Variants in ADCY4 observed in about 807,000 individuals in gnomAD.
ADCY4 encodes adenylate cyclase 4.
ADCY4 carries 111 observed loss-of-function variants against 125.5 expected under a neutral mutation model. That is an observed-to-expected ratio of 0.88 (90% CI 0.76 to 1.04). The LOEUF (loss-of-function observed/expected upper bound fraction) is 1.04, where lower values mean the gene tolerates loss of function less well. Ranked by LOEUF, ADCY4 falls within the 50% of genes least tolerant of loss-of-function variation. The probability of loss-of-function intolerance (pLI) is 0.00; values close to 1 mark genes in which losing one functional copy is unlikely to be tolerated. For synonymous variants in ADCY4, 576 were observed against 586.9 expected, an observed-to-expected ratio of 0.98 and a Z score of 0.27; for missense variants, 1,256 against 1,382.9, an observed-to-expected ratio of 0.91 and a Z score of 1.46.
chr14:24,323,187 C>A lies in ADCY4; in HGVS notation c.2158-99G>T, dbSNP rs566022299. The A allele has an allele frequency of 1.7e-5, 25 of 1,463,536 alleles. No homozygotes were observed. The African/African-American group carries it at 2.9e-4, about 17-fold the overall frequency. The allele number at this position is 1,463,536 out of a possible 1,614,324, so 90.7% of individuals were successfully genotyped here. Reference sequence around the variant, plus strand: ...TGTCCCTCCCAGGCCCAGGTCCTATCTGGGAGACAGGGGGCATCATACACA... The same window carrying A: ...TGTCCCTCCCAGGCCCAGGTCCTATATGGGAGACAGGGGGCATCATACACA... On this transcript the variant is annotated intron_variant, in intron 17 of 24. Coordinates refer to ENST00000418030, the MANE Select transcript of ADCY4 (RefSeq NM_001198568.2).
intron 10 of ADCY4, 138 bp from the exon 11 acceptor site, chr14:24,326,480 A>T: frequency 9.9e-7 from 1 of 1,013,630 alleles, no homozygotes; most frequent in Non-Finnish European, 1.5e-6. Context: ...GCCTCTAATG[A>T]CCTCTCTGTC....
intron 10 of ADCY4, 84 bp downstream of exon 10, chr14:24,328,977 G>A (rs763926395): frequency 1.9e-4 from 281 of 1,502,396 alleles, no homozygotes; most frequent in Non-Finnish European, 2.4e-4. Flanking sequence ...TGGTGGTGGG[G>A]GCAGGGAAGG....
At chr14:24,324,242 C>T (rs940036042) in intron 15 of ADCY4, 43 bp from the exon 16 acceptor site, 2 of 1,613,950 alleles carry the variant, frequency 1.2e-6, no homozygotes, top group Non-Finnish European at 1.7e-6. Context: ...GGCTGGGGCA[C>T]CCTCTTCAGG....
rs369728055 is a variant in ADCY4 at position 24,319,165 on chromosome 14, G to C, written c.2889C>G (p.Ala963=). 6.2e-7 allele frequency: 1 copy of C among 1,614,050 alleles called. No individual in the cohort carries two copies. The highest frequency in any genetic ancestry group is 8.5e-7 in the Non-Finnish European group (1 of 1,180,028). ...CGTCCAGCTTAGACCCCAGGGCCAC[G>C]GCAAATTCCACCATAGTGCCAAGGT... The part of the protein sequence containing the change: ...CSHLGTMVEF[A]VALGSKLDVI... Residue 963 remains alanine (A), a synonymous_variant, in exon 23 of 25, where the codon GCC becomes GCG. Transcript: ENST00000418030. The surrounding 1 kb of genome is among the most constrained non-coding windows in gnomAD (Gnocchi z 4.5).
intron 23 of ADCY4, 113 bp downstream of exon 23, chr14:24,318,985 G>A: frequency 6.9e-7 from 1 of 1,439,750 alleles, no homozygotes; most frequent in Non-Finnish European, 9.6e-7. Flanking sequence ...CAGGGAGTGA[G>A]TCAGGAAAGG....
intron 20 of ADCY4, among the ~76,000 whole-genome samples, chr14:24,321,283 T>C (rs374468460): frequency 1.3e-5 from 2 of 151,098 alleles, no homozygotes; most frequent in East Asian, 1.9e-4. Context: ...TAGCCAGGCA[T>C]GGTGGCAGGC....
rs979312054 is a variant in ADCY4, at chr14:24,332,722, G to T, written c.358-39C>A. ...GCGGGAAGCCGAAGGCCCAAGTGGG[G>T]CTATTCAAGGCCTGGTGAGGGATCG... On this transcript the variant is annotated intron_variant, in intron 2 of 24. Coordinates refer to ENST00000418030, the MANE Select transcript of ADCY4 (RefSeq NM_001198568.2). The T allele has an allele frequency of 3.2e-6, 5 of 1,559,422 alleles. No individual in the cohort carries two copies. The Admixed American group carries it at 7.7e-5, about 24-fold the overall frequency.
In ADCY4 at chr14:24,332,617, C is replaced by T; in HGVS notation, c.424G>A (p.Ala142Thr). ...AMLPLGMRDA[A>T]VAGLASSLSH... is the part of the protein sequence containing the mutation. ...AGTGAGGAGGCGAGGCCCGCGACGGCGGCGTCCCGCATGCCCAAGGGCAGC... is the reference window on the plus strand; with the variant it reads ...AGTGAGGAGGCGAGGCCCGCGACGGTGGCGTCCCGCATGCCCAAGGGCAGC... Residue 142 changes from alanine (A) to threonine (T), a missense_variant, in exon 3 of 25, where the codon GCC becomes ACC. Transcript: ENST00000418030. 1.3e-6 allele frequency: 2 copies of T among 1,580,968 alleles called. No homozygotes were observed. Among genetic ancestry groups the T allele is most frequent in the Non-Finnish European group, 1.7e-6 (2 of 1,163,474 alleles).
At position 24,319,584 on chromosome 14, in the gene ADCY4, G is replaced by C. The variant is rs185111086; in HGVS notation, c.2734-148C>G. ...AAGGAGAGGGTTGGTGGTGGGCAGT[G>C]TTGCTGGAGTGGGTAGATCTGGGGG... On this transcript the variant is annotated intron_variant, in intron 21 of 24. Coordinates refer to ENST00000418030, the MANE Select transcript of ADCY4 (RefSeq NM_001198568.2). The surrounding 1 kb of genome is among the most constrained non-coding windows in gnomAD (Gnocchi z 4.5). 439 of 1,208,958 alleles carry C rather than the reference G, an allele frequency of 3.6e-4. No individual in the cohort carries two copies. The highest frequency in any genetic ancestry group is 6.8e-4 in the Middle Eastern group (3 of 4,418). 74.9% of individuals were successfully genotyped at this position (1,208,958 alleles called of 1,614,324 possible). A position where few individuals can be genotyped will look rare whatever the true frequency, so the allele number is the denominator to read the frequency against.
At chr14:24,331,170 C>A (rs916538142) in intron 5 of ADCY4, 38 bp downstream of exon 5, 6 of 1,613,480 alleles carry the variant, frequency 3.7e-6, no homozygotes, top group Non-Finnish European at 4.2e-6. Context: ...AGGGTCTTAG[C>A]CCACAGGCCC....
rs201960532 is a variant in ADCY4, at chr14:24,329,860, C to T, written c.1217G>A (p.Gly406Glu). The T allele has an allele frequency of 1.2e-6, 2 of 1,612,772 alleles. No individual in the cohort carries two copies. Among genetic ancestry groups the T allele is most frequent in the South Asian group, 1.1e-5 (1 of 90,978 alleles). Residue 406 changes from glycine (G) to glutamate (E), a missense_variant and splice_region_variant, in exon 8 of 25, where the codon GGG (glycine) becomes GAG (glutamate). By Grantham distance (98) the Gly-to-Glu change is moderately conservative. Transcript: ENST00000418030. Reference sequence around the variant, plus strand: ...AGCTGCCTAGGGCCCTAGGTCTCACCCTGGTACACCGCCTGCCTCCATGTG... The same window carrying T: ...AGCTGCCTAGGGCCCTAGGTCTCACTCTGGTACACCGCCTGCCTCCATGTG... ...ANHMEAGGVP[G>E]RVHITGATLA...
chr14:24,319,846 C>T lies in ADCY4; in HGVS notation c.2629G>A (p.Ala877Thr), dbSNP rs776443899. ...QSYECVCVLF[A>T]SVPDFKEFYS... is the part of the protein sequence containing the mutation. ...AACTCCTTGAAGTCTGGGACTGAGG[C>T]GAAGAGGACACAAACGCATTCATAG... The change falls in exon 21 of 25, where the codon GCC (alanine) becomes ACC (threonine). Residue 877 changes from alanine to threonine, a missense_variant. Coordinates refer to ENST00000418030, the MANE Select transcript of ADCY4 (RefSeq NM_001198568.2). The surrounding 1 kb of genome is among the most constrained non-coding windows in gnomAD (Gnocchi z 4.5). The T allele has an allele frequency of 1.2e-5, 20 of 1,613,946 alleles. No individual in the cohort carries two copies. Among genetic ancestry groups the T allele is most frequent in the South Asian group, 5.5e-5 (5 of 91,064 alleles).
At position 24,322,144 on chromosome 14, in the gene ADCY4, G is replaced by T; in HGVS notation, c.2508C>A (p.Asn836Lys). 1 of 1,614,140 alleles carries T rather than the reference G, an allele frequency of 6.2e-7. No individual in the cohort carries two copies. The highest frequency in any genetic ancestry group is 8.5e-7 in the Non-Finnish European group (1 of 1,180,012). ...CGTTCTCCAAGAGCAGCCGAGTCAG[G>T]TTCTCCATCGTCTCTGTCTCCTCCC... ...QEREETETME[N>K]LTRLLLENVL... Residue 836 changes from asparagine (N) to lysine (K), a missense_variant, in exon 20 of 25, where the codon AAC becomes AAA. Transcript: ENST00000418030.
chr14:24,329,112 A>G lies in ADCY4; in HGVS notation c.1473T>C (p.Phe491=). 6.2e-7 allele frequency: 1 copy of G among 1,613,934 alleles called. No individual in the cohort carries two copies. The highest frequency in any genetic ancestry group is 8.5e-7 in the Non-Finnish European group (1 of 1,179,910). Residue 491 remains phenylalanine, a synonymous_variant, in exon 10 of 25, where the codon TTT becomes TTC. Transcript: ENST00000418030. ...GGCTGTCTCCGTGGCTCAGGTGGGCAAAAGGCTTGGCTGCGCCCCAGGACT... is the reference window on the plus strand; with the variant it reads ...GGCTGTCTCCGTGGCTCAGGTGGGCGAAAGGCTTGGCTGCGCCCCAGGACT... The part of the protein sequence containing the change: ...YLESWGAAKP[F]AHLSHGDSPV...
chr14:24,333,408 T>C (rs571192487), intron 1 of ADCY4, among the ~76,000 whole-genome samples: 16 of 152,140 alleles, frequency 1.1e-4, no homozygotes, highest in African/African-American at 3.6e-4. Context: ...TTTGTATTTT[T>C]AGTAGAAGAC....
chr14:24,332,888 C>G lies in ADCY4; in HGVS notation c.260G>C (p.Arg87Pro), dbSNP rs770898251. ...GLASREQRLQ[R>P]WTRPLSGLVW... ...CAAGCCGGACAGGGGACGCGTCCAG[C>G]GCTGCAGTCGCTGCTCCCGGGAAGC... is the stretch of plus-strand genomic sequence containing the variant. Residue 87 changes from arginine (R) to proline (P), a missense_variant, in exon 2 of 25, where the codon CGC (arginine) becomes CCC (proline). Arg to Pro is a moderately radical substitution (Grantham distance 103). Transcript: ENST00000418030. The G allele has an allele frequency of 5.6e-6, 9 of 1,605,188 alleles. No individual in the cohort carries two copies. The highest frequency in any genetic ancestry group is 6.0e-6 in the Non-Finnish European group (7 of 1,175,728).
At chr14:24,322,542 C>A (rs2041868585) in intron 19 of ADCY4, 82 bp downstream of exon 19, 1 of 1,458,854 alleles carries the variant, frequency 6.9e-7, no homozygotes, top group Non-Finnish European at 9.5e-7. Context: ...GGGCATTCAA[C>A]CCTGGAGATT....
Position 24,331,107 on chromosome 14 carries a change from C to T in ADCY4, c.841G>A (p.Gly281Ser), listed in dbSNP as rs1374658606. The change falls in exon 6 of 25, where the codon GGC becomes AGC. Residue 281 changes from glycine (G) to serine (S), a missense_variant. By Grantham distance (56) the Gly-to-Ser change is moderately conservative (BLOSUM62 0). Transcript: ENST00000418030. ...GVSVLYADIV[G>S]FTRLASECSP... The stretch of plus-strand genomic sequence containing the variant: ...CACTCGCTGGCCAGCCGCGTGAAGC[C>T]CACGATGTCAGCATACAGCACGCTG... The T allele has an allele frequency of 6.2e-7, 1 of 1,613,340 alleles. No homozygotes were observed. The highest frequency in any genetic ancestry group is 1.3e-5 in the African/African-American group (1 of 74,892).
At chr14:24,334,466 A>T in intron 1 of ADCY4, 28 bp downstream of exon 1, 1 of 1,564,398 alleles carries the variant, frequency 6.4e-7, no homozygotes, top group Non-Finnish European at 8.6e-7. Flanking sequence ...CCAGGTAGAG[A>T]CCCTCCCGCA....
Sources: gnomAD v4.1 joint callset for allele counts (sites outside exome capture counted in the v4.1 genomes callset) on GRCh38, gnomAD v4.1.1 for gene constraint, Gnocchi (gnomAD v3.1) non-coding constraint, MANE v1.5 for transcripts, NCBI Gene and HGNC (gene_info 2026-07-23, HGNC 2026-07-21) for gene names.